Variants in DPP10 observed in about 807,000 individuals in gnomAD.
The protein encoded by DPP10 is dipeptidyl peptidase like 10.
In DPP10, 33 loss-of-function variants were observed where a neutral mutation model predicts 120.9. The observed-to-expected ratio is 0.27, with a 90% CI of 0.21 to 0.37. The LOEUF is 0.37. DPP10 is among the 10% of genes least tolerant of loss of function. DPP10 has a pLI of 1.00. For synonymous variants in DPP10, 337 were observed against 326.1 expected (o/e 1.03, Z -0.36); for missense variants, 816 against 942.8 (o/e 0.87, Z 1.76).
chr2:115,032,758 G>A (rs13028864), intron 1 of DPP10, among the ~76,000 whole-genome samples: 37,742 of 151,184 alleles, frequency 0.25, 5,431 homozygotes, highest in East Asian at 0.34. Context: ...AGTGGCAGGC[G>A]CCTGTAATCC....
chr2:115,244,235 TATATAGAG>T lies in DPP10; in HGVS notation c.61-65002_61-64995del, dbSNP rs1317312158. Among the ~76,000 whole-genome samples the T allele has an allele frequency of 4.3e-3, 232 of 54,008 alleles. 1 individual carries two copies. Among genetic ancestry groups the T allele is most frequent in the African/African-American group, 4.3e-3 (50 of 11,704 alleles). 35.4% of individuals were successfully genotyped at this position (54,008 alleles called of 152,430 possible). The stretch of plus-strand genomic sequence containing the variant: ...GTGTGTGTATATATATATATATATA[TATATAGAG>T]AGAGAGAGAGAGAGAGAGAGAGAGA... On this transcript the variant is annotated intron_variant, in intron 1 of 25. Transcript: ENST00000410059.
intron 3 of DPP10, among the ~76,000 whole-genome samples, chr2:115,375,281 A>T (rs1229406726): frequency 6.6e-6 from 1 of 152,192 alleles, no homozygotes; most frequent in Non-Finnish European, 1.5e-5. Flanking sequence ...TGAAAGTTTC[A>T]CAGATCCCTA....
intron 3 of DPP10, among the ~76,000 whole-genome samples, chr2:115,453,323 C>A (rs1405393207): frequency 2.0e-5 from 3 of 151,118 alleles, no homozygotes; most frequent in Non-Finnish European, 4.4e-5. Context: ...TCTTTTCTTG[C>A]CTTATTTTCA....
At chr2:115,368,720 T>C (rs963216824) in intron 3 of DPP10, among the ~76,000 whole-genome samples, 1 of 151,840 alleles carries the variant, frequency 6.6e-6, no homozygotes, top group East Asian at 1.9e-4. Context: ...AGGCTGCATG[T>C]TATTATGAAT....
At chr2:115,524,497 G>A (rs972840681) in intron 4 of DPP10, among the ~76,000 whole-genome samples, 2 of 152,100 alleles carry the variant, frequency 1.3e-5, no homozygotes, top group African/African-American at 2.4e-5. Context: ...GCATCCATAT[G>A]TTTACCAACC....
In DPP10 at chr2:115,245,070, C is replaced by G. The variant is rs559428949; in HGVS notation, c.61-64169C>G. 3.0e-4 allele frequency among the ~76,000 whole-genome samples: 45 copies of G among 152,072 alleles called. 1 individual carries two copies. In the South Asian group the frequency reaches 6.4e-3, roughly 22 times the overall value. The stretch of plus-strand genomic sequence containing the variant: ...CTTTATGTTCTCATAGCTTAGCTCC[C>G]ACTAATAACTGAGGACATGTGATAT... On this transcript the variant is annotated intron_variant, in intron 1 of 25. Transcript: ENST00000410059.
At chr2:114,787,393 G>C (rs563170342) in intron 1 of DPP10, among the ~76,000 whole-genome samples, 3 of 152,318 alleles carry the variant, frequency 2.0e-5, no homozygotes, top group Non-Finnish European at 2.9e-5. Context: ...CCCTGGTTGG[G>C]AAACTCATTT....
Position 115,596,520 on chromosome 2 carries a change from T to A in DPP10, c.441+70548T>A, listed in dbSNP as rs192609866. On this transcript the variant is annotated intron_variant, in intron 5 of 25. Coordinates refer to ENST00000410059, the MANE Select transcript of DPP10 (RefSeq NM_020868.6). ...AGGCAGAGAAACAAATCTTCACTTG[T>A]CATATTTCAAAGTTTCTCTCCAGTA... Among the ~76,000 whole-genome samples, 7 of 152,308 alleles carry A rather than the reference T, an allele frequency of 4.6e-5. No homozygotes were observed. In the East Asian group the frequency reaches 1.2e-3, roughly 25 times the overall value.
At chr2:115,306,023 T>C (rs924059603) in intron 1 of DPP10, among the ~76,000 whole-genome samples, 4 of 152,076 alleles carry the variant, frequency 2.6e-5, no homozygotes, top group Non-Finnish European at 5.9e-5. Flanking sequence ...GAGTTTTTTT[T>C]ATGAGTTATT....
At chr2:115,138,656 A>T (rs2050769132) in intron 1 of DPP10, among the ~76,000 whole-genome samples, 2 of 152,018 alleles carry the variant, frequency 1.3e-5, no homozygotes, top group African/African-American at 2.4e-5. Flanking sequence ...ATAAAACACA[A>T]TTTTTTTTAT....
intron 3 of DPP10, among the ~76,000 whole-genome samples, chr2:115,391,007 A>G (rs2067281313): frequency 6.6e-6 from 1 of 152,102 alleles, no homozygotes; most frequent in South Asian, 2.1e-4. Flanking sequence ...GTGTATGGAG[A>G]CTATTAGATA....
chr2:115,465,433 A>G (rs183253530), intron 3 of DPP10, among the ~76,000 whole-genome samples: 3 of 152,358 alleles, frequency 2.0e-5, no homozygotes, highest in Admixed American at 6.5e-5. Flanking sequence ...GTGTCAAAGT[A>G]TTACACACAG....
chr2:114,820,145 A>T (rs1241028378), intron 1 of DPP10, among the ~76,000 whole-genome samples: 1 of 152,194 alleles, frequency 6.6e-6, no homozygotes, highest in African/African-American at 2.4e-5. Context: ...GAATAGAGGG[A>T]ATTAGTTACA....
At chr2:114,881,598 G>GTCTATCTA (rs58501993) in intron 1 of DPP10, among the ~76,000 whole-genome samples, 32,989 of 140,550 alleles carry the variant, frequency 0.23, 4,412 homozygotes, top group Non-Finnish European at 0.31. Context: ...CTGTCTGTCT[G>GTCTATCTA]TCTATCTATC....
chr2:115,392,112 A>G (rs911113412), intron 3 of DPP10, among the ~76,000 whole-genome samples: 1 of 152,178 alleles, frequency 6.6e-6, no homozygotes, highest in Non-Finnish European at 1.5e-5. Context: ...ATTTGCTGAT[A>G]TAATAACGTC....
chr2:114,887,730 G>A (rs1290314690), intron 1 of DPP10, among the ~76,000 whole-genome samples: 1 of 152,204 alleles, frequency 6.6e-6, no homozygotes, highest in Non-Finnish European at 1.5e-5. Context: ...GTATTAGAAA[G>A]CAGAGGTGTT....
At chr2:114,901,203 G>GT (rs1693537623) in intron 1 of DPP10, among the ~76,000 whole-genome samples, 1 of 151,928 alleles carries the variant, frequency 6.6e-6, no homozygotes, top group Admixed American at 6.6e-5. Context: ...TTGTTTGTTT[G>GT]TTTTTTGTTT....
At chr2:115,243,962 G>C (rs907857329) in intron 1 of DPP10, among the ~76,000 whole-genome samples, 2 of 150,894 alleles carry the variant, frequency 1.3e-5, no homozygotes, top group South Asian at 4.2e-4. Flanking sequence ...AATTTTTCTT[G>C]TTATTTTGAA....
At chr2:114,558,810 G>T (rs940772897) in intron 1 of DPP10, among the ~76,000 whole-genome samples, 6 of 152,124 alleles carry the variant, frequency 3.9e-5, no homozygotes, top group Non-Finnish European at 8.8e-5. Context: ...GCATCTGGGG[G>T]CTCTTTTCCA....
Sources: gnomAD v4.1 joint callset for allele counts (sites outside exome capture counted in the v4.1 genomes callset) on GRCh38, gnomAD v4.1.1 for gene constraint, MANE v1.5 for transcripts, NCBI Gene and HGNC (gene_info 2026-07-23, HGNC 2026-07-21) for gene names.